IVNS1ABP: variants seen among roughly 807,000 people sequenced by gnomAD.
IVNS1ABP encodes influenza virus NS1A binding protein.
Under a neutral mutation model 78.9 loss-of-function variants are expected in IVNS1ABP, and 25 were observed. The observed-to-expected ratio is 0.32, with a 90% CI of 0.23 to 0.44. IVNS1ABP has a LOEUF of 0.44. IVNS1ABP is among the 20% of genes least tolerant of loss of function. IVNS1ABP has a pLI of 1.00. For synonymous variants in IVNS1ABP, 241 were observed against 259.7 expected, an observed-to-expected ratio of 0.93 and a Z score of 0.69; for missense variants, 494 against 768.9, an observed-to-expected ratio of 0.64 and a Z score of 4.23.
chr1:185,300,207 CTAT>C lies in IVNS1ABP; in HGVS notation c.1369+7_1369+9del, dbSNP rs763553799. On this transcript the variant is annotated splice_region_variant and intron_variant, in intron 12 of 14. Transcript: ENST00000367498. The stretch of plus-strand genomic sequence containing the variant: ...AAATACTGGATATCTCAGGAGAAAA[CTAT>C]TATTACCTGCATTACAACGGTTAGT... The C allele has an allele frequency of 1.2e-6, 2 of 1,612,208 alleles. No homozygotes were observed. The highest frequency in any genetic ancestry group is 2.2e-5 in the South Asian group (2 of 90,900).
At chr1:185,308,429 A>G (rs1277208228) in intron 5 of IVNS1ABP, among the ~76,000 whole-genome samples, 1 of 152,228 alleles carries the variant, frequency 6.6e-6, no homozygotes, top group African/African-American at 2.4e-5. Context: ...TTTTACTGGC[A>G]TTAAATTCTA....
intron 1 of IVNS1ABP, among the ~76,000 whole-genome samples, chr1:185,316,442 G>A (rs909613266): frequency 5.3e-5 from 8 of 152,144 alleles, no homozygotes; most frequent in African/African-American, 1.9e-4. Flanking sequence ...CTCCAGGCCC[G>A]GGGCTGGCTG....
intron 7 of IVNS1ABP, chr1:185,306,635 G>A (rs1400602582): frequency 8.6e-7 from 1 of 1,161,796 alleles, no homozygotes; most frequent in Non-Finnish European, 1.1e-6. Context: ...CCTATGGGGA[G>A]ATAAATCAAT....
At position 185,307,578 on chromosome 1, in the gene IVNS1ABP, G is replaced by C. The variant is rs755622481; in HGVS notation, c.442C>G (p.Arg148Gly). The C allele has an allele frequency of 1.5e-5, 25 of 1,613,246 alleles. No individual in the cohort carries two copies. Among genetic ancestry groups the C allele is most frequent in the Admixed American group, 8.3e-5 (5 of 59,946 alleles). ...RNFASCMGDS[R>G]LLNKVDAYIQ... ...TAAGCATCAACCTTATTCAACAAAC[G>C]GGAGTCTCCCATACAACTTGCAAAA... The change falls in exon 6 of 15, where the codon CGT (arginine) becomes GGT (glycine). Residue 148 changes from arginine (R) to glycine (G), a missense_variant. Coordinates refer to ENST00000367498, the MANE Select transcript of IVNS1ABP (RefSeq NM_006469.5).
intron 12 of IVNS1ABP, 33 bp from the exon 13 acceptor site, chr1:185,300,163 T>C: frequency 6.2e-7 from 1 of 1,603,662 alleles, no homozygotes; most frequent in Non-Finnish European, 8.5e-7. Context: ...TACATATTGA[T>C]AATTTAATTA....
rs1328777129 is a variant in IVNS1ABP, at chr1:185,305,780, G to A, written c.658-137C>T. ...TTGACATATTACTCTGGCAGGATCC[G>A]GAGGTAAAGAAAAATACATGTCATG... On this transcript the variant is annotated intron_variant, in intron 7 of 14. Transcript: ENST00000367498. The surrounding 1 kb of genome is among the most constrained non-coding windows in gnomAD (Gnocchi z 4.0). The A allele has an allele frequency of 1.0e-5, 9 of 897,170 alleles. No homozygotes were observed. Among genetic ancestry groups the A allele is most frequent in the Admixed American group, 7.2e-5 (2 of 27,782 alleles). The allele number at this position is 897,170 out of a possible 1,614,324, so 55.6% of individuals were successfully genotyped here.
chr1:185,314,677 CAG>C (rs200461207), intron 1 of IVNS1ABP, among the ~76,000 whole-genome samples: 1,696 of 152,280 alleles, frequency 0.011, 25 homozygotes, highest in Non-Finnish European at 0.014. Flanking sequence ...AGCATGGAAA[CAG>C]GGCAGTTAAG....
chr1:185,306,760 A>C (rs771243468), intron 7 of IVNS1ABP: 16 of 690,576 alleles, frequency 2.3e-5, no homozygotes, highest in Non-Finnish European at 3.3e-5. Context: ...TTTCTAAAGC[A>C]AATTACATGC....
intron 11 of IVNS1ABP, 40 bp from the exon 12 acceptor site, chr1:185,300,383 A>T: frequency 6.2e-7 from 1 of 1,613,402 alleles, no homozygotes; most frequent in Non-Finnish European, 8.5e-7. Flanking sequence ...TAACATCCTG[A>T]AGTTACGAGG....
chr1:185,316,261 C>G (rs1315916619), intron 1 of IVNS1ABP, among the ~76,000 whole-genome samples: 4 of 152,096 alleles, frequency 2.6e-5, no homozygotes, highest in Non-Finnish European at 5.9e-5. Context: ...CCCGCACACC[C>G]CCGCCCCGGA....
At position 185,297,207 on chromosome 1, in the gene IVNS1ABP, T is replaced by A. The variant is rs1386526468; in HGVS notation, c.*828A>T. 2 of 152,174 alleles carry A rather than the reference T, an allele frequency of 1.3e-5. No homozygotes were observed. Among genetic ancestry groups the A allele is most frequent in the Non-Finnish European group, 2.9e-5 (2 of 68,016 alleles). 9.4% of individuals were successfully genotyped at this position (152,174 alleles called of 1,614,324 possible). A position where few individuals can be genotyped will look rare whatever the true frequency, so the allele number is the denominator to read the frequency against. On this transcript the variant is annotated 3_prime_UTR_variant, in exon 15 of 15. Transcript: ENST00000367498. ...TAAAACACCATTTTTTACTGCTATA[T>A]AATGTCTTGCTATATAAAACATACC...
At position 185,305,763 on chromosome 1, in the gene IVNS1ABP, T is replaced by C; in HGVS notation, c.658-120A>G. On this transcript the variant is annotated intron_variant, in intron 7 of 14. Transcript: ENST00000367498. This position sits in a 1 kb window ranked among gnomAD's most constrained non-coding sequence, Gnocchi z 4.0. Reference sequence around the variant, plus strand: ...TGTGCTTCTTGAGCTTCTTGACATATTACTCTGGCAGGATCCGGAGGTAAA... The same window carrying C: ...TGTGCTTCTTGAGCTTCTTGACATACTACTCTGGCAGGATCCGGAGGTAAA... 9.0e-7 allele frequency: 1 copy of C among 1,116,236 alleles called. No individual in the cohort carries two copies. The highest frequency in any genetic ancestry group is 2.6e-5 in the Admixed American group (1 of 38,796). 69.1% of individuals were successfully genotyped at this position (1,116,236 alleles called of 1,614,324 possible). A position where few individuals can be genotyped will look rare whatever the true frequency, so the allele number is the denominator to read the frequency against.
At chr1:185,310,077 C>T (rs571215646) in intron 2 of IVNS1ABP, among the ~76,000 whole-genome samples, 1 of 152,246 alleles carries the variant, frequency 6.6e-6, no homozygotes, top group African/African-American at 2.4e-5. Context: ...GCCTAGTACA[C>T]AAACTTAAAA....
intron 8 of IVNS1ABP, among the ~76,000 whole-genome samples, chr1:185,303,061 A>C (rs1665642838): frequency 2.0e-5 from 3 of 152,064 alleles, no homozygotes; most frequent in African/African-American, 4.8e-5. Context: ...AACCTTATCT[A>C]TTATTATGAA....
chr1:185,297,977 C>T lies in IVNS1ABP; in HGVS notation c.*58G>A. The T allele has an allele frequency of 6.5e-7, 1 of 1,544,040 alleles. No individual in the cohort carries two copies. Among genetic ancestry groups the T allele is most frequent in the Non-Finnish European group, 8.8e-7 (1 of 1,130,984 alleles). On this transcript the variant is annotated 3_prime_UTR_variant, in exon 15 of 15. Transcript: ENST00000367498. Reference sequence around the variant, plus strand: ...CCCACCCTCTTTATTCACAAGTGTACCTCTACTAACCATAATTACATCACT... The same window carrying T: ...CCCACCCTCTTTATTCACAAGTGTATCTCTACTAACCATAATTACATCACT...
chr1:185,304,494 C>T (rs1197049722), intron 8 of IVNS1ABP, among the ~76,000 whole-genome samples: 1 of 152,076 alleles, frequency 6.6e-6, no homozygotes, highest in Non-Finnish European at 1.5e-5. Context: ...TAATTTGTAA[C>T]CATATAGGCT....
Position 185,296,574 on chromosome 1 carries a change from G to GT in IVNS1ABP, c.*1460dup, listed in dbSNP as rs1235202662. 3.9e-5 allele frequency: 6 copies of GT among 152,110 alleles called. No individual in the cohort carries two copies. The East Asian group carries it at 1.2e-3, about 29-fold the overall frequency. The allele number at this position is 152,110 out of a possible 1,614,324, so 9.4% of individuals were successfully genotyped here. A position where few individuals can be genotyped will look rare whatever the true frequency, so the allele number is the denominator to read the frequency against. ...ACCAAACTGATTTGCTTTCCTGGTG[G>GT]TTCTTTGTGTAACAGATGAGAGAAA... is the stretch of plus-strand genomic sequence containing the variant. On this transcript the variant is annotated 3_prime_UTR_variant, in exon 15 of 15. Transcript: ENST00000367498.
intron 1 of IVNS1ABP, among the ~76,000 whole-genome samples, chr1:185,312,480 C>T (rs1477231438): frequency 1.3e-5 from 2 of 152,188 alleles, no homozygotes; most frequent in African/African-American, 4.8e-5. Flanking sequence ...TGAATAATCA[C>T]TTACCACAGG....
rs1161422595 is a variant in IVNS1ABP at position 185,297,689 on chromosome 1, A to T, written c.*346T>A. 6 of 280,890 alleles carry T rather than the reference A, an allele frequency of 2.1e-5. No individual in the cohort carries two copies. The highest frequency in any genetic ancestry group is 3.4e-5 in the Non-Finnish European group (5 of 148,906). 17.4% of individuals were successfully genotyped at this position (280,890 alleles called of 1,614,324 possible). On this transcript the variant is annotated 3_prime_UTR_variant, in exon 15 of 15. Transcript: ENST00000367498. ...TTAAACCCTACCCCTTTTACCCCAT[A>T]GTACACATTTGAGGGAAGAGTCATT...
Sources: allele counts gnomAD v4.1 joint callset (sites outside exome capture counted in the v4.1 genomes callset), GRCh38; gene constraint gnomAD v4.1.1; non-coding constraint Gnocchi (gnomAD v3.1); transcripts MANE v1.5; gene names NCBI Gene and HGNC (gene_info 2026-07-23, HGNC 2026-07-21).